Variants in ABCA8 observed in about 807,000 individuals in gnomAD.
The protein encoded by ABCA8 is ABC-type organic anion transporter ABCA8.
A neutral mutation model predicts 192.3 loss-of-function variants in ABCA8; 177 were observed. That is an observed-to-expected ratio of 0.92 (90% CI 0.81 to 1.04). ABCA8 has a LOEUF of 1.04. Ranked by LOEUF, ABCA8 falls within the 50% of genes least tolerant of loss-of-function variation. The pLI is 0.00. For missense variants in ABCA8, 1,915 were observed against 1,904.8 expected (o/e 1.01, Z -0.10); for synonymous variants, 642 against 690.2 (o/e 0.93, Z 1.09).
At position 68,932,321 on chromosome 17, in the gene ABCA8, A is replaced by C. The variant is rs139795936; in HGVS notation, c.764T>G (p.Met255Arg). 2 of 1,613,986 alleles carry C rather than the reference A, an allele frequency of 1.2e-6. No homozygotes were observed. Among genetic ancestry groups the C allele is most frequent in the Admixed American group, 3.3e-5 (2 of 60,024 alleles). The change falls in exon 7 of 40, where the codon ATG becomes AGG. Residue 255 changes from methionine (M) to arginine (R), a missense_variant. Coordinates refer to ENST00000586539, the MANE Select transcript of ABCA8 (RefSeq NM_001288985.2). ...TRERKRMKAL[M>R]TMMGLRDSAF... ...TGAATCCCGAAGACCCATCATTGTC[A>C]TCAAGGCCTTCATCCTTTTCCTCTC...
rs372117339 is a variant in ABCA8, at chr17:68,932,307, G to T, written c.778C>A (p.Leu260Ile). The T allele has an allele frequency of 3.3e-5, 53 of 1,612,526 alleles. No homozygotes were observed. Among genetic ancestry groups the T allele is most frequent in the Middle Eastern group, 1.6e-4 (1 of 6,082 alleles). Residue 260 changes from leucine (L) to isoleucine (I), a missense_variant, in exon 7 of 40, where the codon CTT becomes ATT. Coordinates refer to ENST00000586539, the MANE Select transcript of ABCA8 (RefSeq NM_001288985.2). ...RMKALMTMMGLRDSAFWLSWG... is the reference protein window; with the variant it reads ...RMKALMTMMGIRDSAFWLSWG... ...ACTCACCAGAACGCTGAATCCCGAA[G>T]ACCCATCATTGTCATCAAGGCCTTC...
rs762104360 is a variant in ABCA8 at position 68,906,081 on chromosome 17, GAAT to G, written c.2358_2360del (p.Phe787del). The G allele has an allele frequency of 1.3e-6, 2 of 1,597,744 alleles. No individual in the cohort carries two copies. Among genetic ancestry groups the G allele is most frequent in the Admixed American group, 3.5e-5 (2 of 57,156 alleles). ...TTGTAGATTTTCCTTCTAGCTTCAGGAATACTTCATTCAAAGTTGTCATGGAAA... is the reference window on the plus strand; with the variant it reads ...TTGTAGATTTTCCTTCTAGCTTCAGGACTTCATTCAAAGTTGTCATGGAAA... On this transcript the variant is annotated inframe_deletion, in exon 19 of 40. Coordinates refer to ENST00000586539, the MANE Select transcript of ABCA8 (RefSeq NM_001288985.2).
chr17:68,877,762 C>A (rs1026288508), intron 32 of ABCA8, 83 bp from the exon 33 acceptor site: 1 of 1,371,942 alleles, frequency 7.3e-7, no homozygotes, highest in Non-Finnish European at 9.8e-7. Context: ...CTTCACGAAC[C>A]TAGAAAAACT....
chr17:68,874,063 G>A (rs2066138890), intron 37 of ABCA8, among the ~76,000 whole-genome samples: 2 of 152,158 alleles, frequency 1.3e-5, no homozygotes, highest in African/African-American at 2.4e-5. Context: ...AGAACTGGGG[G>A]AAGGGAGTGT....
chr17:68,875,753 T>C lies in ABCA8; in HGVS notation c.4371-20A>G. On this transcript the variant is annotated intron_variant, in intron 35 of 39. Transcript: ENST00000586539. ...GCCTGCCTATAATGTCAAGAGATTA[T>C]TTGCAATTTAGGAAATCCTCTAATT... The C allele has an allele frequency of 1.3e-6, 2 of 1,598,680 alleles. No individual in the cohort carries two copies. Among genetic ancestry groups the C allele is most frequent in the Non-Finnish European group, 1.7e-6 (2 of 1,174,130 alleles).
chr17:68,912,717 C>A (rs1468765929), intron 17 of ABCA8, among the ~76,000 whole-genome samples: 3 of 152,018 alleles, frequency 2.0e-5, no homozygotes, highest in Non-Finnish European at 4.4e-5. Context: ...TATATATGCA[C>A]CCAACACTGG....
At position 68,903,392 on chromosome 17, in the gene ABCA8, C is replaced by CTAT; in HGVS notation, c.2503_2505dup (p.Ile835dup). Reference sequence around the variant, plus strand: ...TGCTGTCGCCAGAGAGCCACACCACCTATTGTCTTTCTCATCTTGTTAAGT... The same window carrying CTAT: ...TGCTGTCGCCAGAGAGCCACACCACCTATTATTGTCTTTCTCATCTTGTTAAGT... On this transcript the variant is annotated inframe_insertion, in exon 20 of 40. Coordinates refer to ENST00000586539, the MANE Select transcript of ABCA8 (RefSeq NM_001288985.2). The CTAT allele has an allele frequency of 6.2e-7, 1 of 1,614,202 alleles. No individual in the cohort carries two copies. Among genetic ancestry groups the CTAT allele is most frequent in the African/African-American group, 1.3e-5 (1 of 75,058 alleles).
At chr17:68,918,671 T>TA in intron 14 of ABCA8, 125 bp from the exon 15 acceptor site, 1 of 952,194 alleles carries the variant, frequency 1.1e-6, no homozygotes, top group Non-Finnish European at 1.5e-6. Context: ...CGGTGGCTCA[T>TA]ACCCATAGTC....
intron 17 of ABCA8, among the ~76,000 whole-genome samples, chr17:68,910,228 A>G (rs1390787180): frequency 6.6e-6 from 1 of 152,198 alleles, no homozygotes; most frequent in Non-Finnish European, 1.5e-5. Context: ...AGCACTGGAG[A>G]GGATAGGAAA....
intron 2 of ABCA8, among the ~76,000 whole-genome samples, chr17:68,948,346 A>AT (rs2143810414): frequency 6.6e-6 from 1 of 152,300 alleles, no homozygotes; most frequent in East Asian, 1.9e-4. Flanking sequence ...GGTTGAACTA[A>AT]TTTACACTCC....
intron 26 of ABCA8, 121 bp from the exon 27 acceptor site, chr17:68,885,436 A>AG: frequency 6.3e-6 from 6 of 953,522 alleles, no homozygotes. Context: ...AGCTGAAATC[A>AG]GTATATCTCC....
At chr17:68,892,205 T>A (rs991210) in intron 23 of ABCA8, among the ~76,000 whole-genome samples, 7 of 151,966 alleles carry the variant, frequency 4.6e-5, no homozygotes, top group Admixed American at 4.6e-4. Flanking sequence ...TTCATGATTC[T>A]CATAGTTGCT....
intron 17 of ABCA8, 127 bp from the exon 18 acceptor site, chr17:68,908,006 A>T: frequency 1.1e-6 from 1 of 901,648 alleles, no homozygotes; most frequent in Non-Finnish European, 1.5e-6. Flanking sequence ...AATAGGTCAG[A>T]CAAACACAAA....
chr17:68,929,065 A>G lies in ABCA8; in HGVS notation c.1109T>C (p.Met370Thr), dbSNP rs995927553. The part of the protein sequence containing the change: ...ILSLLSPFAF[M>T]LGMAQLLHLD... ...GCATCTCACCTGGGCCATTCCAAGC[A>G]TGAAGGCAAAGGGACTAAGCAAGCT... Residue 370 changes from methionine (M) to threonine (T), a missense_variant, in exon 9 of 40, where the codon ATG becomes ACG. Coordinates refer to ENST00000586539, the MANE Select transcript of ABCA8 (RefSeq NM_001288985.2). The G allele has an allele frequency of 6.4e-7, 1 of 1,573,462 alleles. No homozygotes were observed. Among genetic ancestry groups the G allele is most frequent in the African/African-American group, 1.4e-5 (1 of 73,954 alleles).
At chr17:68,907,576 C>T (rs1458700842) in intron 18 of ABCA8, among the ~76,000 whole-genome samples, 164 bp downstream of exon 18, 6 of 152,108 alleles carry the variant, frequency 3.9e-5, no homozygotes, top group African/African-American at 1.4e-4. Flanking sequence ...AATTCTATTT[C>T]CCACTATACA....
intron 5 of ABCA8, among the ~76,000 whole-genome samples, chr17:68,936,374 T>C (rs1296132527): frequency 6.6e-6 from 1 of 152,110 alleles, no homozygotes; most frequent in Non-Finnish European, 1.5e-5. Flanking sequence ...GAGATATGGG[T>C]CCAGTTCTAT....
intron 15 of ABCA8, 119 bp downstream of exon 15, chr17:68,918,308 T>G: frequency 6.8e-7 from 1 of 1,476,340 alleles, no homozygotes; most frequent in South Asian, 1.3e-5. Context: ...GATACTCTAT[T>G]TAATGTTCTA....
chr17:68,941,987 T>C lies in ABCA8; in HGVS notation c.48A>G (p.Leu16=). The part of the protein sequence containing the change: ...ISVCQQTWAL[L]CKNFLKKWRM... ...TCCATTTTTTAAGAAAGTTCTTGCATAATAAGGCCCAAGTTTGTTGACACA... is the reference window on the plus strand; with the variant it reads ...TCCATTTTTTAAGAAAGTTCTTGCACAATAAGGCCCAAGTTTGTTGACACA... Residue 16 remains leucine, a synonymous_variant, in exon 3 of 40, where the codon TTA becomes TTG. Transcript: ENST00000586539. 1.2e-6 allele frequency: 2 copies of C among 1,613,478 alleles called. No homozygotes were observed. The highest frequency in any genetic ancestry group is 1.7e-6 in the Non-Finnish European group (2 of 1,179,572).
chr17:68,884,381 G>A lies in ABCA8; in HGVS notation c.3565C>T (p.Leu1189Phe), dbSNP rs1024089916. Reference sequence around the variant, plus strand: ...ACATCCATTCGTTCTTCAGAAAAGAGAGAAGAAAAGAGAAGCTGCAAAAGA... The same window carrying A: ...ACATCCATTCGTTCTTCAGAAAAGAAAGAAGAAAAGAGAAGCTGCAAAAGA... ...FLSSHLLFSS[L>F]FSEERMDVQP... is the part of the protein sequence containing the mutation. Residue 1189 changes from leucine (L) to phenylalanine (F), a missense_variant, in exon 28 of 40, where the codon CTC becomes TTC. Leu to Phe is a conservative substitution (Grantham distance 22). Transcript: ENST00000586539. 2 of 1,587,220 alleles carry A rather than the reference G, an allele frequency of 1.3e-6. No homozygotes were observed. The highest frequency in any genetic ancestry group is 1.7e-6 in the Non-Finnish European group (2 of 1,171,384).
Sources: gnomAD v4.1 joint callset for allele counts (sites outside exome capture counted in the v4.1 genomes callset) on GRCh38, gnomAD v4.1.1 for gene constraint, MANE v1.5 for transcripts, NCBI Gene and HGNC (gene_info 2026-07-23, HGNC 2026-07-21) for gene names.